NAALADL2: variants seen among roughly 807,000 people sequenced by gnomAD.
NAALADL2 encodes N-acetylated alpha-linked acidic dipeptidase like 2.
Under a neutral mutation model 87.2 loss-of-function variants are expected in NAALADL2, and 76 were observed. That is an observed-to-expected ratio of 0.87 (90% confidence interval 0.72 to 1.05). The LOEUF (loss-of-function observed/expected upper bound fraction) is 1.05. Among genes scored for constraint, NAALADL2 ranks in the 50% least tolerant of loss-of-function variants. The probability of loss-of-function intolerance (pLI) is 0.00; values close to 1 mark genes in which losing one functional copy is unlikely to be tolerated. For synonymous variants in NAALADL2, 354 were observed against 331.0 expected (o/e 1.07, Z -0.75); for missense variants, 1,089 against 945.8 (o/e 1.15, Z -1.99).
chr3:174,502,432 C>T (rs1014713740), intron 1 of NAALADL2, among the ~76,000 whole-genome samples: 6 of 152,170 alleles, frequency 3.9e-5, no homozygotes, highest in African/African-American at 1.4e-4. Context: ...TCTTGAAAGG[C>T]ATCATTCTCA....
chr3:175,401,537 C>A (rs1179374900), intron 5 of NAALADL2, among the ~76,000 whole-genome samples: 1 of 152,080 alleles, frequency 6.6e-6, no homozygotes, highest in Non-Finnish European at 1.5e-5. Flanking sequence ...CTTACACAAA[C>A]CCAGATTATA....
intron 1 of NAALADL2, among the ~76,000 whole-genome samples, chr3:174,511,687 G>A (rs1719607351): frequency 6.7e-6 from 1 of 149,588 alleles, no homozygotes; most frequent in Non-Finnish European, 1.5e-5. Flanking sequence ...CTATCTTGGT[G>A]TTTGTTTTCT....
Position 175,175,975 on chromosome 3 carries a change from T to G in NAALADL2, c.546-57956T>G, listed in dbSNP as rs190200212. Among the ~76,000 whole-genome samples the G allele has an allele frequency of 2.0e-5, 3 of 152,226 alleles. No individual in the cohort carries two copies. In the East Asian group the frequency reaches 5.8e-4, roughly 29 times the overall value. Reference sequence around the variant, plus strand: ...TTATTTATGTGCTAGAAAATATACATTATGATATGCTATTCGTCTGGAAAT... The same window carrying G: ...TTATTTATGTGCTAGAAAATATACAGTATGATATGCTATTCGTCTGGAAAT... On this transcript the variant is annotated intron_variant, in intron 2 of 13. Coordinates refer to ENST00000454872, the MANE Select transcript of NAALADL2 (RefSeq NM_207015.3).
At chr3:175,192,529 T>G (rs1458259438) in intron 2 of NAALADL2, among the ~76,000 whole-genome samples, 3 of 152,014 alleles carry the variant, frequency 2.0e-5, no homozygotes, top group East Asian at 1.9e-4. Flanking sequence ...CAGCTAAAAT[T>G]TGGTTCACAA....
At chr3:175,545,627 A>G (rs961354275) in intron 9 of NAALADL2, among the ~76,000 whole-genome samples, 11 of 152,138 alleles carry the variant, frequency 7.2e-5, no homozygotes, top group African/African-American at 2.4e-4. Flanking sequence ...AATGTTAAAT[A>G]TTTATTATCA....
intron 11 of NAALADL2, chr3:175,718,284 A>G (rs929052293): frequency 2.6e-6 from 4 of 1,551,980 alleles, no homozygotes; most frequent in East Asian, 2.3e-5. Flanking sequence ...TTCTTTAGAC[A>G]TCGTTAGGCG....
At chr3:174,740,649 A>G (rs1733679623) in intron 3 of NAALADL2, among the ~76,000 whole-genome samples, 1 of 151,894 alleles carries the variant, frequency 6.6e-6, no homozygotes, top group African/African-American at 2.4e-5. Flanking sequence ...TAAAGTTGAG[A>G]TATTCACAAA....
chr3:175,279,342 C>T (rs900160035), intron 4 of NAALADL2, among the ~76,000 whole-genome samples: 1 of 152,124 alleles, frequency 6.6e-6, no homozygotes, highest in African/African-American at 2.4e-5. Flanking sequence ...ACCTGTCCTA[C>T]CATCTGAAAG....
intron 2 of NAALADL2, chr3:174,551,111 A>G (rs889226260): frequency 6.6e-5 from 10 of 152,164 alleles, no homozygotes; most frequent in Non-Finnish European, 1.5e-4. Flanking sequence ...GTCATTTAGC[A>G]TCAGGTATAT....
intron 5 of NAALADL2, among the ~76,000 whole-genome samples, chr3:175,351,620 C>T (rs2148877145): frequency 6.6e-6 from 1 of 152,076 alleles, no homozygotes; most frequent in South Asian, 2.1e-4. Flanking sequence ...GTAGGTTTTC[C>T]CCATATTGGA....
chr3:174,798,214 A>G lies in NAALADL2; in HGVS notation c.-9+60468A>G, dbSNP rs1055062751. ...TTCCATTCCATTAATCTATATATCT[A>G]TCTTCATGCCAGTACTACATAGTTG... On this transcript the variant is annotated intron_variant, in intron 3 of 3. Transcript: ENST00000434257. Among the ~76,000 whole-genome samples the G allele has an allele frequency of 6.6e-5, 10 of 152,204 alleles. No individual in the cohort carries two copies. The East Asian group carries it at 7.7e-4, about 12-fold the overall frequency.
At chr3:175,012,388 G>C (rs564433079) in intron 1 of NAALADL2, among the ~76,000 whole-genome samples, 7 of 151,946 alleles carry the variant, frequency 4.6e-5, no homozygotes, top group African/African-American at 1.7e-4. Context: ...GGCTGGTCTC[G>C]AACTCCTGAC....
chr3:175,307,171 A>G (rs1006463998), intron 4 of NAALADL2, among the ~76,000 whole-genome samples: 2 of 152,144 alleles, frequency 1.3e-5, no homozygotes, highest in African/African-American at 4.8e-5. Context: ...CAGGGTGACA[A>G]TTTATTAAAT....
intron 3 of NAALADL2, among the ~76,000 whole-genome samples, chr3:174,825,315 T>G (rs1325937907): frequency 1.3e-5 from 2 of 152,162 alleles, no homozygotes; most frequent in East Asian, 3.9e-4. Context: ...CCTGATAACT[T>G]GGGGGAAGTC....
intron 5 of NAALADL2, among the ~76,000 whole-genome samples, chr3:175,353,073 T>G (rs761726028): frequency 1.3e-5 from 2 of 152,000 alleles, no homozygotes; most frequent in Non-Finnish European, 2.9e-5. Flanking sequence ...CCCTCTGTTT[T>G]ATTTACTCAT....
chr3:174,908,021 GTTTTTTT>G (rs35051279), intron 1 of NAALADL2, among the ~76,000 whole-genome samples: 18 of 82,566 alleles, frequency 2.2e-4, no homozygotes, highest in African/African-American at 7.8e-4. Flanking sequence ...AGAGAAGTTG[GTTTTTTT>G]TTTTTTTTTT....
At chr3:174,651,224 C>A (rs760892218) in intron 2 of NAALADL2, among the ~76,000 whole-genome samples, 7 of 152,096 alleles carry the variant, frequency 4.6e-5, no homozygotes, top group Non-Finnish European at 7.4e-5. Flanking sequence ...TATCAGTGCT[C>A]GTAATTAAGT....
chr3:174,541,948 T>C (rs980870091), intron 1 of NAALADL2, among the ~76,000 whole-genome samples: 1 of 152,116 alleles, frequency 6.6e-6, no homozygotes, highest in Non-Finnish European at 1.5e-5. Flanking sequence ...TGACTACTTC[T>C]TGCAGAGCAG....
chr3:175,140,461 C>T (rs1038374896), intron 2 of NAALADL2, among the ~76,000 whole-genome samples: 10 of 152,052 alleles, frequency 6.6e-5, no homozygotes, highest in Non-Finnish European at 1.5e-4. Context: ...AATAGATGCA[C>T]ATAAAAGGGA....
Sources: allele counts gnomAD v4.1 joint callset (sites outside exome capture counted in the v4.1 genomes callset), GRCh38; gene constraint gnomAD v4.1.1; transcripts MANE v1.5; gene names NCBI Gene and HGNC (gene_info 2026-07-23, HGNC 2026-07-21).